The following PROM1 variants were observed in gnomAD, a reference collection of about 807,000 sequenced individuals.
PROM1 encodes the protein prominin 1, also known as prominin-1.
Under a neutral mutation model 116.9 loss-of-function variants are expected in PROM1, and 105 were observed. The observed-to-expected ratio is 0.90, with a 90% confidence interval of 0.77 to 1.06. The LOEUF is 1.06. Ranked by LOEUF, PROM1 falls within the 50% of genes least tolerant of loss-of-function variation. The pLI is 0.00. For synonymous variants in PROM1, 393 were observed against 387.0 expected, an observed-to-expected ratio of 1.02 and a Z score of -0.18; for missense variants, 1,122 against 1,045.2, an observed-to-expected ratio of 1.07 and a Z score of -1.01.
intron 26 of PROM1, among the ~76,000 whole-genome samples, chr4:15,977,006 G>T (rs1316107011): frequency 6.6e-6 from 1 of 152,216 alleles, no homozygotes; most frequent in Non-Finnish European, 1.5e-5. Flanking sequence ...AGCCCAGTGT[G>T]GGCAACTCCC....
At chr4:16,022,185 G>C (rs1730081879) in intron 8 of PROM1, among the ~76,000 whole-genome samples, 1 of 151,696 alleles carries the variant, frequency 6.6e-6, no homozygotes, top group South Asian at 2.1e-4. Flanking sequence ...AGAAGGAATG[G>C]AGAAGCCACG....
intron 23 of PROM1, among the ~76,000 whole-genome samples, chr4:15,983,660 C>T (rs866737385): frequency 5.9e-5 from 9 of 152,030 alleles, no homozygotes; most frequent in Non-Finnish European, 1.0e-4. Context: ...GAAAGAAAGG[C>T]GGGCAGGCAG....
intron 2 of PROM1, among the ~76,000 whole-genome samples, chr4:16,064,583 C>T (rs1278815804): frequency 6.6e-6 from 1 of 152,080 alleles, no homozygotes; most frequent in Non-Finnish European, 1.5e-5. Flanking sequence ...TTTCTGTATG[C>T]ATATTATACT....
chr4:16,040,488 A>T (rs1009315790), intron 2 of PROM1, among the ~76,000 whole-genome samples: 1 of 152,242 alleles, frequency 6.6e-6, no homozygotes, highest in Non-Finnish European at 1.5e-5. Flanking sequence ...TGAATGAAAG[A>T]GTCTACTGTT....
intron 8 of PROM1, among the ~76,000 whole-genome samples, chr4:16,019,113 C>T (rs1352151904): frequency 6.6e-6 from 1 of 152,160 alleles, no homozygotes; most frequent in African/African-American, 2.4e-5. Context: ...TGAAACACCA[C>T]CACATTCATC....
At chr4:16,057,582 A>C (rs1224870171) in intron 2 of PROM1, among the ~76,000 whole-genome samples, 23 of 152,176 alleles carry the variant, frequency 1.5e-4, no homozygotes, top group Admixed American at 1.5e-3. Flanking sequence ...ATTTTCTGTA[A>C]ACTAATCACC....
chr4:16,049,919 G>A (rs576168896), intron 2 of PROM1, among the ~76,000 whole-genome samples: 1 of 152,180 alleles, frequency 6.6e-6, no homozygotes, highest in East Asian at 1.9e-4. Flanking sequence ...CACACAATAT[G>A]TGTAAAGCAT....
At chr4:16,015,614 C>T (rs1182785755) in intron 10 of PROM1, among the ~76,000 whole-genome samples, 3 of 150,748 alleles carry the variant, frequency 2.0e-5, no homozygotes, top group Non-Finnish European at 3.0e-5. Context: ...CGCTTGAACT[C>T]GGGAGGCAGA....
chr4:16,069,852 A>G (rs1742400147), intron 2 of PROM1, among the ~76,000 whole-genome samples: 1 of 152,220 alleles, frequency 6.6e-6, no homozygotes, highest in African/African-American at 2.4e-5. Flanking sequence ...ATTTATGGAC[A>G]GATAAAGGAA....
In PROM1 at chr4:15,971,050, A is replaced by G. The variant is rs1020099232; in HGVS notation, c.*17T>C. On this transcript the variant is annotated 3_prime_UTR_variant, in exon 27 of 28. Coordinates refer to ENST00000447510, the MANE Select transcript of PROM1 (RefSeq NM_006017.3). The stretch of plus-strand genomic sequence containing the variant: ...TGAAAGCATCAAACTTACCTCAAGC[A>G]GTTTCAACATCAGCTATCAATGTTG... The G allele has an allele frequency of 3.8e-6, 6 of 1,582,382 alleles. No individual in the cohort carries two copies. The highest frequency in any genetic ancestry group is 4.3e-6 in the Non-Finnish European group (5 of 1,163,674).
intron 5 of PROM1, 67 bp from the exon 6 acceptor site, chr4:16,025,379 A>G: frequency 6.3e-7 from 1 of 1,585,886 alleles, no homozygotes; most frequent in Non-Finnish European, 8.6e-7. Flanking sequence ...GTCCAGGTCC[A>G]GGCAGCAGAG....
At chr4:16,033,785 A>G (rs930885449) in intron 4 of PROM1, among the ~76,000 whole-genome samples, 3 of 151,760 alleles carry the variant, frequency 2.0e-5, no homozygotes, top group African/African-American at 7.3e-5. Flanking sequence ...CCTGGCCTCA[A>G]GCAATCTACC....
At position 15,991,305 on chromosome 4, in the gene PROM1, G is replaced by A. The variant is rs1209178367; in HGVS notation, c.1912-12C>T. ...GGGGATTTACCAGTCTACAATAGAAGTGAAAAAAATTGTCTTATGGATATG... is the reference window on the plus strand; with the variant it reads ...GGGGATTTACCAGTCTACAATAGAAATGAAAAAAATTGTCTTATGGATATG... On this transcript the variant is annotated splice_polypyrimidine_tract_variant and intron_variant, in intron 17 of 27. Transcript: ENST00000447510. The A allele has an allele frequency of 1.9e-6, 3 of 1,576,016 alleles. No individual in the cohort carries two copies. The highest frequency in any genetic ancestry group is 1.2e-5 in the South Asian group (1 of 83,458).
At chr4:15,996,424 C>T (rs933232939) in intron 15 of PROM1, among the ~76,000 whole-genome samples, 3 of 152,008 alleles carry the variant, frequency 2.0e-5, no homozygotes, top group East Asian at 1.9e-4. Flanking sequence ...GCAGGAGAAT[C>T]GCTTGAACCC....
In PROM1 at chr4:15,984,352, T is replaced by C. The variant is rs202029748; in HGVS notation, c.2284A>G (p.Ser762Gly). ...HYLQWIEFSI[S>G]EKVASCKPVA... ...GGTTTGCACGATGCCACTTTCTCAC[T>C]GATCTAGGGGGGTGGAAACACAGGG... The change falls in exon 23 of 28, where the codon AGT (serine) becomes GGT (glycine). Residue 762 changes from serine (S) to glycine (G), a missense_variant. Physicochemically the swap from Ser to Gly is moderately conservative, Grantham distance 56. Transcript: ENST00000447510. The C allele has an allele frequency of 6.9e-4, 1,101 of 1,585,758 alleles. 3 individuals carry two copies. The highest frequency in any genetic ancestry group is 2.0e-3 in the South Asian group (169 of 85,744).
At chr4:16,046,778 G>A (rs914314132) in intron 2 of PROM1, among the ~76,000 whole-genome samples, 2 of 152,136 alleles carry the variant, frequency 1.3e-5, no homozygotes, top group South Asian at 4.1e-4. Context: ...GAATCACACT[G>A]TCTACACAGA....
chr4:16,062,908 T>TC (rs1264528585), intron 2 of PROM1, among the ~76,000 whole-genome samples: 1 of 152,084 alleles, frequency 6.6e-6, no homozygotes, highest in African/African-American at 2.4e-5. Flanking sequence ...ATGCAAAGTA[T>TC]CCCCCCTTTT....
chr4:15,986,856 G>A (rs533571424), intron 20 of PROM1, among the ~76,000 whole-genome samples: 1 of 152,250 alleles, frequency 6.6e-6, no homozygotes, highest in African/African-American at 2.4e-5. Context: ...TATCCTGTGG[G>A]GCTGATACCC....
intron 20 of PROM1, among the ~76,000 whole-genome samples, 184 bp from the exon 21 acceptor site, chr4:15,986,221 G>C (rs931437880): frequency 2.0e-5 from 3 of 152,288 alleles, no homozygotes; most frequent in Admixed American, 1.3e-4. Flanking sequence ...CTGAAAGTGA[G>C]CATTTACTCT....
Sources: gnomAD v4.1 joint callset for allele counts (sites outside exome capture counted in the v4.1 genomes callset) on GRCh38, gnomAD v4.1.1 for gene constraint, MANE v1.5 for transcripts, NCBI Gene and HGNC (gene_info 2026-07-23, HGNC 2026-07-21) for gene names.